SVIL: variants seen among roughly 807,000 people sequenced by gnomAD.
The protein encoded by SVIL is supervillin, also known as archvillin.
In SVIL, 101 loss-of-function variants were observed where a neutral mutation model predicts 240.4. The observed-to-expected ratio is 0.42, with a 90% CI of 0.36 to 0.50. The LOEUF (loss-of-function observed/expected upper bound fraction) is 0.50, where lower values mean the gene tolerates loss of function less well. Among genes scored for constraint, SVIL ranks in the 20% least tolerant of loss-of-function variants. SVIL has a pLI of 0.01. For synonymous variants in SVIL, 999 were observed against 1,100.0 expected (o/e 0.91, Z 1.82); for missense variants, 2,512 against 2,818.7 (o/e 0.89, Z 2.46).
chr10:29,641,187 C>T (rs940968478), intron 3 of SVIL, among the ~76,000 whole-genome samples: 3 of 151,760 alleles, frequency 2.0e-5, no homozygotes, highest in Non-Finnish European at 2.9e-5. Flanking sequence ...GTGGAAGGAC[C>T]GAAGCAAGGA....
intron 12 of SVIL, among the ~76,000 whole-genome samples, chr10:29,528,720 G>C (rs1468806238): frequency 6.6e-6 from 1 of 152,098 alleles, no homozygotes; most frequent in Non-Finnish European, 1.5e-5. Context: ...CTGAGTAACA[G>C]AGTGAGACAC....
chr10:29,531,913 T>C, intron 9 of SVIL, 89 bp downstream of exon 9: 5 of 1,427,368 alleles, frequency 3.5e-6, no homozygotes, highest in South Asian at 1.3e-5. Context: ...CAACATCCTA[T>C]ATAAATAGCG....
chr10:29,465,967 A>G (rs1944859335), intron 33 of SVIL, among the ~76,000 whole-genome samples: 1 of 151,674 alleles, frequency 6.6e-6, no homozygotes, highest in South Asian at 2.1e-4. Context: ...ATGAAAAACA[A>G]TGCAAAATTA....
At chr10:29,609,787 C>T (rs536789731) in intron 1 of SVIL, among the ~76,000 whole-genome samples, 1 of 152,322 alleles carries the variant, frequency 6.6e-6, no homozygotes, top group East Asian at 1.9e-4. Context: ...TGTGCAGTGG[C>T]CAGACCCTGT....
At chr10:29,654,937 C>T (rs565954849) in intron 3 of SVIL, among the ~76,000 whole-genome samples, 17 of 152,254 alleles carry the variant, frequency 1.1e-4, no homozygotes, top group East Asian at 9.7e-4. Context: ...TATCCAGGCC[C>T]GGAGTCAATT....
chr10:29,709,202 C>G (rs940460311), intron 1 of SVIL, among the ~76,000 whole-genome samples: 1 of 152,112 alleles, frequency 6.6e-6, no homozygotes, highest in African/African-American at 2.4e-5. Flanking sequence ...AGATTTCAGA[C>G]GTTTTTGGAT....
chr10:29,487,549 C>T (rs1947527731), intron 23 of SVIL: 4 of 437,316 alleles, frequency 9.1e-6, no homozygotes, highest in Admixed American at 3.8e-5. Flanking sequence ...GTGTCATGTG[C>T]GTGGGTTAAT....
intron 2 of SVIL, among the ~76,000 whole-genome samples, chr10:29,659,397 GAA>G (rs1959093997): frequency 6.6e-6 from 1 of 152,136 alleles, no homozygotes; most frequent in African/African-American, 2.4e-5. Flanking sequence ...CTTACCGCCG[GAA>G]AAAGTCAGAA....
chr10:29,518,142 C>T (rs189041239), intron 16 of SVIL, among the ~76,000 whole-genome samples: 350 of 152,288 alleles, frequency 2.3e-3, no homozygotes, highest in Non-Finnish European at 2.2e-3. Flanking sequence ...AATCCCAGCA[C>T]GTTGGGAGGC....
intron 6 of SVIL, among the ~76,000 whole-genome samples, chr10:29,549,710 A>G (rs1039565680): frequency 2.1e-4 from 30 of 142,924 alleles, no homozygotes; most frequent in Admixed American, 1.8e-3. Context: ...GGATGAGTTC[A>G]TGTCCTTTGC....
At chr10:29,590,068 G>A (rs1956325355) in intron 1 of SVIL, among the ~76,000 whole-genome samples, 1 of 148,700 alleles carries the variant, frequency 6.7e-6, no homozygotes, top group Non-Finnish European at 1.5e-5. Context: ...TCAGGAGGCT[G>A]AGGCAGAGAA....
chr10:29,497,807 C>T (rs960205294), intron 18 of SVIL, among the ~76,000 whole-genome samples: 8 of 152,040 alleles, frequency 5.3e-5, no homozygotes, highest in African/African-American at 1.9e-4. Context: ...TATGGGCTGG[C>T]GGGGTGGCTC....
At chr10:29,459,038 G>C (rs59103062) in intron 36 of SVIL, among the ~76,000 whole-genome samples, 1 of 144,868 alleles carries the variant, frequency 6.9e-6, no homozygotes, top group Non-Finnish European at 1.5e-5. Flanking sequence ...ATACTGCTTA[G>C]GCTGGTCTCA....
At chr10:29,480,402 C>A in intron 29 of SVIL, 135 bp downstream of exon 29, 3 of 1,146,204 alleles carry the variant, frequency 2.6e-6, no homozygotes, top group Non-Finnish European at 3.7e-6. Context: ...AGGTGGCTCT[C>A]AAAGGCGCAT....
intron 3 of SVIL, 48 bp from the exon 4 acceptor site, chr10:29,555,156 C>A (rs935571893): frequency 6.6e-7 from 1 of 1,507,076 alleles, no homozygotes; most frequent in Non-Finnish European, 8.9e-7. Context: ...AGTAGTCGTG[C>A]GCTCATTTTA....
At chr10:29,599,080 T>C (rs56160908) in intron 1 of SVIL, among the ~76,000 whole-genome samples, 1 of 152,156 alleles carries the variant, frequency 6.6e-6, no homozygotes, top group Non-Finnish European at 1.5e-5. Flanking sequence ...AGGGTGTGGG[T>C]AATCCTTGCA....
chr10:29,681,935 A>G (rs1441768295), intron 2 of SVIL, among the ~76,000 whole-genome samples: 1 of 152,076 alleles, frequency 6.6e-6, no homozygotes, highest in East Asian at 1.9e-4. Flanking sequence ...CCTCCATGTG[A>G]CTTACCACAC....
chr10:29,622,482 T>C (rs1957699721), intron 1 of SVIL, among the ~76,000 whole-genome samples: 1 of 152,022 alleles, frequency 6.6e-6, no homozygotes, highest in South Asian at 2.1e-4. Context: ...CCACAGCAGG[T>C]ACTCCAAAAT....
intron 3 of SVIL, among the ~76,000 whole-genome samples, chr10:29,641,855 C>T (rs1168248926): frequency 6.6e-6 from 1 of 152,150 alleles, no homozygotes; most frequent in African/African-American, 2.4e-5. Flanking sequence ...TTTAGATAAA[C>T]CCAGGAGGGA....
Sources: allele counts gnomAD v4.1 joint callset (sites outside exome capture counted in the v4.1 genomes callset), GRCh38; gene constraint gnomAD v4.1.1; transcripts MANE v1.5; gene names NCBI Gene and HGNC (gene_info 2026-07-23, HGNC 2026-07-21).